Variants in PGM2 observed in about 807,000 individuals in gnomAD.
The protein encoded by PGM2 is phosphopentomutase.
A neutral mutation model predicts 74.6 loss-of-function variants in PGM2; 57 were observed. The observed-to-expected ratio is 0.76, with a 90% CI of 0.62 to 0.95. The LOEUF is 0.95. Among genes scored for constraint, PGM2 ranks in the 40% least tolerant of loss-of-function variants. PGM2 has a pLI of 0.00. For synonymous variants in PGM2, 273 were observed against 260.7 expected (o/e 1.05, Z -0.46); for missense variants, 706 against 741.9 (o/e 0.95, Z 0.56).
intron 6 of PGM2, among the ~76,000 whole-genome samples, chr4:37,843,527 T>C (rs1240042975): frequency 1.3e-5 from 2 of 152,148 alleles, no homozygotes; most frequent in African/African-American, 4.8e-5. Flanking sequence ...GTTGTTAGTC[T>C]GTATAAAGTC....
At chr4:37,836,247 A>G (rs1303608035) in intron 3 of PGM2, among the ~76,000 whole-genome samples, 1 of 152,206 alleles carries the variant, frequency 6.6e-6, no homozygotes, top group African/African-American at 2.4e-5. Context: ...TTATGGTTCA[A>G]GTCTCAGAGT....
intron 2 of PGM2, among the ~76,000 whole-genome samples, chr4:37,833,642 G>A (rs935809938): frequency 2.0e-5 from 3 of 152,108 alleles, no homozygotes; most frequent in Non-Finnish European, 2.9e-5. Context: ...CATTATTTTT[G>A]CCCAATCAAC....
chr4:37,849,070 CAA>C (rs34584642), intron 11 of PGM2, among the ~76,000 whole-genome samples: 10,843 of 84,466 alleles, frequency 0.13, 697 homozygotes, highest in East Asian at 0.27. Context: ...AACTCTGTCT[CAA>C]AAAAAAAAAA....
rs201469651 is a variant in PGM2, at chr4:37,826,780, C to T, written c.48C>T (p.Asp16=). Residue 16 remains aspartate (D), a synonymous_variant, in exon 1 of 14, where the codon GAC becomes GAT. Transcript: ENST00000381967. The part of the protein sequence containing the change: ...GSGLGEDARL[D]QETAQWLRWD... ...GTCTAGGCGAGGACGCCCGGCTGGA[C>T]CAGGAGACCGCCCAGTGGCTGCGCT... 1.9e-6 allele frequency: 3 copies of T among 1,549,406 alleles called. No homozygotes were observed. The highest frequency in any genetic ancestry group is 2.6e-6 in the Non-Finnish European group (3 of 1,146,174).
chr4:37,840,026 T>C, intron 5 of PGM2, 40 bp from the exon 6 acceptor site: 4 of 1,570,360 alleles, frequency 2.5e-6, no homozygotes, highest in Non-Finnish European at 3.5e-6. Flanking sequence ...CTTATTTCCA[T>C]TAACTGTAAA....
At chr4:37,837,688 A>G in intron 4 of PGM2, 75 bp downstream of exon 4, 1 of 902,250 alleles carries the variant, frequency 1.1e-6, no homozygotes. Context: ...TATAGTCTTT[A>G]GGGCTATTGG....
intron 10 of PGM2, among the ~76,000 whole-genome samples, chr4:37,848,074 A>C (rs145579671): frequency 5.3e-5 from 8 of 152,314 alleles, no homozygotes; most frequent in Admixed American, 2.6e-4. Context: ...CATGTCTATT[A>C]CTCAGTGACT....
chr4:37,845,802 G>C, intron 8 of PGM2, 72 bp downstream of exon 8: 3 of 978,662 alleles, frequency 3.1e-6, no homozygotes, highest in Non-Finnish European at 4.9e-6. Context: ...AAATGTTTCT[G>C]GGGAGACGGG....
In PGM2 at chr4:37,850,273, A is replaced by C. The variant is rs1316699139; in HGVS notation, c.1502A>C (p.Asp501Ala). The change falls in exon 12 of 14, where the codon GAT (aspartate) becomes GCT (alanine). Residue 501 changes from aspartate (D) to alanine (A), a missense_variant. Transcript: ENST00000381967. Reference protein sequence around the residue: ...KKLFENLRNYDGKNNYPKACG... With the variant: ...KKLFENLRNYAGKNNYPKACG... ...TTATTTGAAAACCTCAGAAACTACG[A>C]TGGAAAAAATAATTATCCAAAAGCT... 1 of 1,587,444 alleles carries C rather than the reference A, an allele frequency of 6.3e-7. No individual in the cohort carries two copies. Among genetic ancestry groups the C allele is most frequent in the South Asian group, 1.2e-5 (1 of 85,986 alleles).
intron 3 of PGM2, among the ~76,000 whole-genome samples, 199 bp downstream of exon 3, chr4:37,834,923 T>C (rs1725527436): frequency 6.6e-6 from 1 of 152,266 alleles, no homozygotes; most frequent in East Asian, 1.9e-4. Context: ...TTAGACAATT[T>C]AGAATGTAAT....
At chr4:37,841,288 C>G (rs1011726680) in intron 6 of PGM2, among the ~76,000 whole-genome samples, 2 of 151,158 alleles carry the variant, frequency 1.3e-5, no homozygotes, top group Non-Finnish European at 1.5e-5. Context: ...GCTGCTGCAC[C>G]GGTGTATTTA....
rs760047705 is a variant in PGM2 at position 37,855,677 on chromosome 4, C to A, written c.1672C>A (p.Arg558Ser). The A allele has an allele frequency of 6.2e-7, 1 of 1,613,636 alleles. No individual in the cohort carries two copies. The highest frequency in any genetic ancestry group is 1.1e-5 in the South Asian group (1 of 91,058). ...TGCTAATGGAGGCGTGGCCACCATG[C>A]GCACCAGTGGGACAGAGCCCAAAAT... ...TFANGGVATMRTSGTEPKIKY... is the reference protein window; with the variant it reads ...TFANGGVATMSTSGTEPKIKY... The change falls in exon 13 of 14, where the codon CGC becomes AGC. Residue 558 changes from arginine (R) to serine (S), a missense_variant. Around this residue, in one of 3 missense-constraint regions of PGM2, gnomAD observed 359 missense variants for 371.1 expected, o/e 0.97. Coordinates refer to ENST00000381967, the MANE Select transcript of PGM2 (RefSeq NM_018290.4).
intron 3 of PGM2, among the ~76,000 whole-genome samples, chr4:37,836,862 G>GGTGTGTGTGTATGTGTATGGGTGTGT (rs1725580480): frequency 2.7e-5 from 4 of 150,416 alleles, no homozygotes; most frequent in Non-Finnish European, 4.4e-5. Flanking sequence ...TATGTGTATG[G>GGTGTGTGTGTATGTGTATGGGTGTGT]GTGTGTGTGT....
intron 3 of PGM2, 112 bp from the exon 4 acceptor site, chr4:37,837,417 C>A: frequency 2.6e-6 from 2 of 761,742 alleles, no homozygotes; most frequent in Non-Finnish European, 4.8e-6. Context: ...TGTCCTTGAT[C>A]TGGATGCTGC....
chr4:37,832,336 C>T (rs1369741571), intron 2 of PGM2, among the ~76,000 whole-genome samples: 1 of 152,216 alleles, frequency 6.6e-6, no homozygotes, highest in Non-Finnish European at 1.5e-5. Flanking sequence ...CAGGTTTCTA[C>T]CCAGTCTTGG....
chr4:37,855,644 T>C lies in PGM2; in HGVS notation c.1639T>C (p.Phe547Leu), dbSNP rs1414468541. 1 of 1,614,058 alleles carries C rather than the reference T, an allele frequency of 6.2e-7. No individual in the cohort carries two copies. Among genetic ancestry groups the C allele is most frequent in the Non-Finnish European group, 8.5e-7 (1 of 1,179,930 alleles). Residue 547 changes from phenylalanine to leucine, a missense_variant, in exon 13 of 14, where the codon TTC (phenylalanine) becomes CTC (leucine). By Grantham distance (22) the Phe-to-Leu change is conservative. Transcript: ENST00000381967. ...TAGTAAAAGCAGCCAAATGATCACC[T>C]TCACCTTTGCTAATGGAGGCGTGGC... ...PTSKSSQMITFTFANGGVATM... is the reference protein window; with the variant it reads ...PTSKSSQMITLTFANGGVATM...
chr4:37,846,714 C>G (rs1403274844), intron 8 of PGM2, among the ~76,000 whole-genome samples: 1 of 152,192 alleles, frequency 6.6e-6, no homozygotes, highest in African/African-American at 2.4e-5. Context: ...GATGTCTGTT[C>G]AGGCAAACTG....
chr4:37,853,980 C>T (rs10212907), intron 12 of PGM2, among the ~76,000 whole-genome samples: 4,360 of 152,318 alleles, frequency 0.029, 218 homozygotes, highest in African/African-American at 0.1. Flanking sequence ...CCCTGCCTCA[C>T]ATCTGCCTTT....
chr4:37,861,442 G>C (rs939044759), intron 13 of PGM2, 68 bp from the exon 14 acceptor site: 5 of 986,436 alleles, frequency 5.1e-6, no homozygotes, highest in South Asian at 1.3e-5. Context: ...TTGGTCAATG[G>C]GGGGAGCATT....
Sources: gnomAD v4.1 joint callset for allele counts (sites outside exome capture counted in the v4.1 genomes callset) on GRCh38, gnomAD v4.1.1 for gene constraint, gnomAD v4.1.1 regional missense constraint, MANE v1.5 for transcripts, NCBI Gene and HGNC (gene_info 2026-07-23, HGNC 2026-07-21) for gene names.